Variants in DGKB observed in about 807,000 individuals in gnomAD.
The protein encoded by DGKB is 90 kDa diacylglycerol kinase.
Under a neutral mutation model 114.3 loss-of-function variants are expected in DGKB, and 67 were observed. The ratio of observed to expected loss-of-function variants is 0.59; its 90% CI spans 0.48 to 0.72. The LOEUF is 0.72. DGKB is among the 30% of genes least tolerant of loss of function. The probability of loss-of-function intolerance (pLI) is 0.00; values close to 1 mark genes in which losing one functional copy is unlikely to be tolerated. For missense variants in DGKB, 907 were observed against 975.2 expected (o/e 0.93, Z 0.93); for synonymous variants, 398 against 323.1 (o/e 1.23, Z -2.49).
intron 23 of DGKB, among the ~76,000 whole-genome samples, chr7:14,295,276 A>G (rs1405477773): frequency 1.3e-5 from 2 of 152,198 alleles, no homozygotes; most frequent in Non-Finnish European, 2.9e-5. Context: ...ATATGTAACC[A>G]TCATTGTCTG....
At chr7:14,561,010 G>A (rs1796579685) in intron 20 of DGKB, among the ~76,000 whole-genome samples, 1 of 152,150 alleles carries the variant, frequency 6.6e-6, no homozygotes, top group Non-Finnish European at 1.5e-5. Context: ...AGAAAAGTTT[G>A]TTCAATTTTC....
At chr7:14,821,569 T>G (rs1479171248) in intron 2 of DGKB, among the ~76,000 whole-genome samples, 1 of 152,134 alleles carries the variant, frequency 6.6e-6, no homozygotes, top group Non-Finnish European at 1.5e-5. Flanking sequence ...GGGAGCAGAA[T>G]ACGACAAGAC....
At chr7:14,771,739 T>G (rs921760366) in intron 2 of DGKB, among the ~76,000 whole-genome samples, 4 of 151,050 alleles carry the variant, frequency 2.6e-5, no homozygotes, top group Non-Finnish European at 5.9e-5. Context: ...GAAAATGCCC[T>G]GCAAAGTCTC....
chr7:14,894,994 G>A (rs938206008), intron 1 of DGKB, among the ~76,000 whole-genome samples: 3 of 151,534 alleles, frequency 2.0e-5, no homozygotes, highest in Non-Finnish European at 4.4e-5. Flanking sequence ...GAATTCTCAT[G>A]AAGAACAACA....
At chr7:14,830,685 C>T (rs1353374404) in intron 2 of DGKB, among the ~76,000 whole-genome samples, 1 of 152,012 alleles carries the variant, frequency 6.6e-6, no homozygotes, top group Admixed American at 6.6e-5. Context: ...AGCAACACAG[C>T]CTGCTCTAAA....
intron 9 of DGKB, among the ~76,000 whole-genome samples, chr7:14,692,597 C>T (rs1450384756): frequency 6.6e-6 from 1 of 151,416 alleles, no homozygotes; most frequent in Non-Finnish European, 1.5e-5. Flanking sequence ...TAAAAAAATA[C>T]TCAGTTATGT....
chr7:14,294,774 G>C (rs1197469732), intron 23 of DGKB, among the ~76,000 whole-genome samples: 1 of 152,078 alleles, frequency 6.6e-6, no homozygotes, highest in East Asian at 1.9e-4. Context: ...GATGGCCCTG[G>C]GGATATAGTT....
intron 23 of DGKB, among the ~76,000 whole-genome samples, chr7:14,294,042 C>T (rs535509131): frequency 9.2e-5 from 14 of 152,260 alleles, no homozygotes; most frequent in African/African-American, 3.4e-4. Context: ...AGCTCCATTT[C>T]TTTCTGGAGG....
chr7:14,845,509 A>T (rs1258974710), intron 1 of DGKB, among the ~76,000 whole-genome samples: 1 of 152,138 alleles, frequency 6.6e-6, no homozygotes, highest in African/African-American at 2.4e-5. Context: ...TATATATTAG[A>T]TTCTGCATCA....
At chr7:14,160,577 T>C (rs930438385) in intron 25 of DGKB, among the ~76,000 whole-genome samples, 8 of 152,134 alleles carry the variant, frequency 5.3e-5, no homozygotes, top group Admixed American at 1.3e-4. Flanking sequence ...GAAGGGCCTC[T>C]TCAAGGAGAA....
chr7:14,668,617 C>A (rs1286660683), intron 13 of DGKB, among the ~76,000 whole-genome samples: 1 of 151,920 alleles, frequency 6.6e-6, no homozygotes, highest in South Asian at 2.1e-4. Flanking sequence ...TATAACCATA[C>A]CCCTTCATAA....
chr7:14,542,417 G>T (rs922052493), intron 20 of DGKB, among the ~76,000 whole-genome samples: 2 of 151,942 alleles, frequency 1.3e-5, no homozygotes, highest in African/African-American at 4.8e-5. Context: ...TGTACTACCC[G>T]TATTCTCTAC....
At chr7:14,841,090 C>T (rs773212520) in intron 2 of DGKB, 104 bp downstream of exon 2, 2 of 1,017,976 alleles carry the variant, frequency 2.0e-6, no homozygotes, top group Non-Finnish European at 2.9e-6. Context: ...AGAGCTGGAT[C>T]TATCCCCATG....
At chr7:14,484,829 G>A (rs1256522691) in intron 20 of DGKB, among the ~76,000 whole-genome samples, 1 of 151,724 alleles carries the variant, frequency 6.6e-6, no homozygotes, top group Non-Finnish European at 1.5e-5. Context: ...GAAAAAGAAA[G>A]GCTATCATTA....
chr7:14,609,522 A>C (rs1357245778), intron 16 of DGKB, among the ~76,000 whole-genome samples: 1 of 151,886 alleles, frequency 6.6e-6, no homozygotes. Flanking sequence ...ACAAAAACAG[A>C]AATTGACAAT....
chr7:14,724,425 T>C (rs1298820121), intron 5 of DGKB, among the ~76,000 whole-genome samples: 3 of 152,170 alleles, frequency 2.0e-5, no homozygotes, highest in South Asian at 2.1e-4. Context: ...AGAAATGTAA[T>C]AGAGATGGTG....
chr7:14,157,615 G>A (rs1260905858), intron 25 of DGKB, among the ~76,000 whole-genome samples: 1 of 152,062 alleles, frequency 6.6e-6, no homozygotes, highest in Admixed American at 6.6e-5. Context: ...CACATTGCAT[G>A]GGAAATATTC....
At chr7:14,859,715 T>G (rs957913228) in intron 1 of DGKB, among the ~76,000 whole-genome samples, 1 of 152,114 alleles carries the variant, frequency 6.6e-6, no homozygotes, top group Non-Finnish European at 1.5e-5. Flanking sequence ...CTTCGGAACT[T>G]TAATTATGAA....
chr7:14,292,131 G>A (rs900133623), intron 23 of DGKB, among the ~76,000 whole-genome samples: 1 of 152,078 alleles, frequency 6.6e-6, no homozygotes, highest in Non-Finnish European at 1.5e-5. Context: ...TTATTTTTGG[G>A]TTTAAAGAAA....
Sources: allele counts gnomAD v4.1 joint callset (sites outside exome capture counted in the v4.1 genomes callset), GRCh38; gene constraint gnomAD v4.1.1; transcripts MANE v1.5; gene names NCBI Gene and HGNC (gene_info 2026-07-23, HGNC 2026-07-21).